EGFLAM: variants seen among roughly 807,000 people sequenced by gnomAD.
The protein encoded by EGFLAM is EGF like, fibronectin type III and laminin G domains, also known as pikachurin.
EGFLAM carries 79 observed loss-of-function variants against 113.1 expected under a neutral mutation model. That is an observed-to-expected ratio of 0.70 (90% CI 0.58 to 0.84). EGFLAM has a LOEUF of 0.84. Among genes scored for constraint, EGFLAM ranks in the 40% least tolerant of loss-of-function variants. The pLI is 0.00. For missense variants in EGFLAM, 1,265 were observed against 1,291.6 expected, an observed-to-expected ratio of 0.98 and a Z score of 0.32; for synonymous variants, 504 against 487.6, an observed-to-expected ratio of 1.03 and a Z score of -0.44.
At chr5:38,403,840 T>C (rs373714860) in intron 6 of EGFLAM, 2 of 1,613,696 alleles carry the variant, frequency 1.2e-6, no homozygotes, top group African/African-American at 2.7e-5. Context: ...TGTGAAGACA[T>C]CTGGCACACA....
intron 1 of EGFLAM, among the ~76,000 whole-genome samples, chr5:38,304,110 C>T (rs1221611066): frequency 7.3e-6 from 1 of 137,168 alleles, no homozygotes; most frequent in African/African-American, 2.8e-5. Flanking sequence ...GCCTGGGCAA[C>T]AAGAACAAAA....
Position 38,464,084 on chromosome 5 carries a change from A to G in EGFLAM, c.*98A>G. ...TGCTATATGCAGAGGCCCAGGGACC[A>G]GGTGTGTTTCCTCTCACCAAGAAGA... is the stretch of plus-strand genomic sequence containing the variant. On this transcript the variant is annotated 3_prime_UTR_variant, in exon 22 of 22. Transcript: ENST00000322350. 1 of 1,474,542 alleles carries G rather than the reference A, an allele frequency of 6.8e-7. No individual in the cohort carries two copies. The highest frequency in any genetic ancestry group is 9.2e-7 in the Non-Finnish European group (1 of 1,087,916). 91.3% of individuals were successfully genotyped at this position (1,474,542 alleles called of 1,614,324 possible). A position where few individuals can be genotyped will look rare whatever the true frequency, so the allele number is the denominator to read the frequency against.
chr5:38,450,532 A>G (rs1742879088), intron 18 of EGFLAM, among the ~76,000 whole-genome samples: 1 of 152,234 alleles, frequency 6.6e-6, no homozygotes, highest in Admixed American at 6.5e-5. Flanking sequence ...GCTAGTAGCA[A>G]TGTTAAATTA....
chr5:38,324,693 C>T (rs1331885406), intron 1 of EGFLAM, among the ~76,000 whole-genome samples: 1 of 152,152 alleles, frequency 6.6e-6, no homozygotes, highest in African/African-American at 2.4e-5. Flanking sequence ...AACACACATT[C>T]TCCAAAAGAG....
intron 11 of EGFLAM, among the ~76,000 whole-genome samples, chr5:38,417,317 C>T (rs757075426): frequency 7.7e-4 from 108 of 140,230 alleles, no homozygotes; most frequent in Non-Finnish European, 1.3e-3. Context: ...CTTTGCACTC[C>T]AGCCTGGGAG....
At chr5:38,300,499 C>T (rs1019217517) in intron 1 of EGFLAM, among the ~76,000 whole-genome samples, 1 of 152,112 alleles carries the variant, frequency 6.6e-6, no homozygotes, top group African/African-American at 2.4e-5. Flanking sequence ...CCTCAGCCTC[C>T]TGAGCAGCTG....
chr5:38,274,593 G>T (rs969394726), intron 1 of EGFLAM, among the ~76,000 whole-genome samples: 6 of 152,090 alleles, frequency 3.9e-5, no homozygotes, highest in African/African-American at 1.4e-4. Context: ...CAAGAATACT[G>T]TACCCAGAAA....
intron 3 of EGFLAM, chr5:38,345,967 A>C (rs929038081): frequency 9.2e-5 from 14 of 152,194 alleles, no homozygotes; most frequent in African/African-American, 3.4e-4. Context: ...GTGAAGGTGA[A>C]ATCACTGAAT....
Position 38,348,023 on chromosome 5 carries a change from G to A in EGFLAM, c.292-2478G>A, listed in dbSNP as rs1034497918. ...GTGTAGAGTGAACTCATAGAGGAAA[G>A]CATCAAGAATTCTGGCCTTGGGTAA... is the stretch of plus-strand genomic sequence containing the variant. On this transcript the variant is annotated intron_variant, in intron 3 of 21. Transcript: ENST00000322350. Among the ~76,000 whole-genome samples, 5 of 151,858 alleles carry A rather than the reference G, an allele frequency of 3.3e-5. No individual in the cohort carries two copies. The East Asian group carries it at 9.7e-4, about 30-fold the overall frequency.
Position 38,438,268 on chromosome 5 carries a change from T to C in EGFLAM, c.2284-7T>C, listed in dbSNP as rs1742416781. 1 of 1,606,948 alleles carries C rather than the reference T, an allele frequency of 6.2e-7. No individual in the cohort carries two copies. Among genetic ancestry groups the C allele is most frequent in the African/African-American group, 1.3e-5 (1 of 74,720 alleles). ...TCCTGAATTTCTTTATGTTTTTCTC[T>C]CTCAAGATCATCCTGAATGACCGAA... On this transcript the variant is annotated splice_polypyrimidine_tract_variant and splice_region_variant and intron_variant, in intron 16 of 21. Transcript: ENST00000322350.
intron 10 of EGFLAM, among the ~76,000 whole-genome samples, chr5:38,411,513 GTC>G (rs1741479513): frequency 7.4e-6 from 1 of 135,152 alleles, no homozygotes; most frequent in Non-Finnish European, 1.5e-5. Context: ...TTGAGACAGA[GTC>G]TCTGTTGCCA....
chr5:38,363,249 C>G (rs1739973994), intron 5 of EGFLAM, among the ~76,000 whole-genome samples: 1 of 152,116 alleles, frequency 6.6e-6, no homozygotes, highest in Non-Finnish European at 1.5e-5. Context: ...GAGGTTTCCT[C>G]TCACCCCTGT....
chr5:38,306,941 G>A (rs1439995589), intron 1 of EGFLAM, among the ~76,000 whole-genome samples: 1 of 152,076 alleles, frequency 6.6e-6, no homozygotes, highest in Non-Finnish European at 1.5e-5. Context: ...AATAAACCCG[G>A]CTGGCAGCAA....
At chr5:38,306,533 C>T (rs1362572428) in intron 1 of EGFLAM, among the ~76,000 whole-genome samples, 1 of 152,202 alleles carries the variant, frequency 6.6e-6, no homozygotes, top group Admixed American at 6.5e-5. Flanking sequence ...GCAGTGGCAG[C>T]TATTGGTGCT....
chr5:38,375,781 C>T (rs1017521900), intron 6 of EGFLAM, among the ~76,000 whole-genome samples: 3 of 152,122 alleles, frequency 2.0e-5, no homozygotes, highest in Admixed American at 6.5e-5. Flanking sequence ...GGTGGTTCCA[C>T]TGCAATGTTG....
rs191185306 is a variant in EGFLAM at position 38,365,605 on chromosome 5, A to G, written c.546-4691A>G. Among the ~76,000 whole-genome samples, 698 of 152,310 alleles carry G rather than the reference A, an allele frequency of 4.6e-3. 4 individuals carry two copies. The highest frequency in any genetic ancestry group is 6.1e-3 in the Non-Finnish European group (416 of 68,032). ...GGGCCACAGCACTTCAGTGAGTGGC[A>G]AGATCAATTTAATGGTCTTTTACCA... On this transcript the variant is annotated intron_variant, in intron 5 of 21. Transcript: ENST00000322350.
rs1742038918 is a variant in EGFLAM, at chr5:38,427,131, T to C, written c.1933T>C (p.Ser645Pro). The change falls in exon 14 of 22, where the codon TCA becomes CCA. Residue 645 changes from serine (S) to proline (P), a missense_variant. Coordinates refer to ENST00000322350, the MANE Select transcript of EGFLAM (RefSeq NM_152403.4). The stretch of plus-strand genomic sequence containing the variant: ...ATTTGAGATCACATTTCGGCCAGAC[T>C]CAGGAGATGGTGTCCTCCTGTACAG... ...MEFEITFRPD[S>P]GDGVLLYSYD... 2 of 1,614,098 alleles carry C rather than the reference T, an allele frequency of 1.2e-6. No homozygotes were observed. The highest frequency in any genetic ancestry group is 1.7e-6 in the Non-Finnish European group (2 of 1,180,010).
In EGFLAM at chr5:38,418,393, G is replaced by A. The variant is rs563463527; in HGVS notation, c.1684+138G>A. The stretch of plus-strand genomic sequence containing the variant: ...GCTGGTACCTTCAGAACATCAGGAG[G>A]GAGGTGGGCCTCAGGGGTGAGGCTG... On this transcript the variant is annotated intron_variant, in intron 12 of 21. Coordinates refer to ENST00000322350, the MANE Select transcript of EGFLAM (RefSeq NM_152403.4). The A allele has an allele frequency of 1.8e-4, 207 of 1,134,706 alleles. 2 individuals carry two copies. In the South Asian group the frequency reaches 3.4e-3, roughly 19 times the overall value. 70.3% of individuals were successfully genotyped at this position (1,134,706 alleles called of 1,614,324 possible).
intron 3 of EGFLAM, among the ~76,000 whole-genome samples, chr5:38,343,669 G>A (rs941441802): frequency 3.3e-5 from 5 of 152,156 alleles, no homozygotes; most frequent in East Asian, 1.9e-4. Context: ...CTGCACAGCC[G>A]TCCTCAGTGC....
Sources: gnomAD v4.1 joint callset for allele counts (sites outside exome capture counted in the v4.1 genomes callset) on GRCh38, gnomAD v4.1.1 for gene constraint, MANE v1.5 for transcripts, NCBI Gene and HGNC (gene_info 2026-07-23, HGNC 2026-07-21) for gene names.